Variants in ADAMTS20 observed in about 807,000 individuals in gnomAD.
ADAMTS20 encodes the protein ADAM metallopeptidase with thrombospondin type 1 motif 20.
A neutral mutation model predicts 260.1 loss-of-function variants in ADAMTS20; 225 were observed. The ratio of observed to expected loss-of-function variants is 0.87; its 90% CI spans 0.78 to 0.97. The LOEUF is 0.97. ADAMTS20 is among the 50% of genes least tolerant of loss of function. The pLI is 0.00. For missense variants in ADAMTS20, 2,400 were observed against 2,337.7 expected, an observed-to-expected ratio of 1.03 and a Z score of -0.55; for synonymous variants, 802 against 769.5, an observed-to-expected ratio of 1.04 and a Z score of -0.70.
intron 3 of ADAMTS20, among the ~76,000 whole-genome samples, chr12:43,522,977 A>T (rs1262309386): frequency 6.6e-6 from 1 of 152,204 alleles, no homozygotes; most frequent in Non-Finnish European, 1.5e-5. Flanking sequence ...TATCAACAGA[A>T]ATACTGTATC....
At chr12:43,384,287 CAATT>C (rs1940422846) in intron 29 of ADAMTS20, among the ~76,000 whole-genome samples, 1 of 152,138 alleles carries the variant, frequency 6.6e-6, no homozygotes, top group Non-Finnish European at 1.5e-5. Context: ...AATTACCACA[CAATT>C]AATCATGAAT....
intron 3 of ADAMTS20, among the ~76,000 whole-genome samples, chr12:43,511,777 A>G (rs1367024099): frequency 1.3e-5 from 2 of 152,156 alleles, no homozygotes; most frequent in Admixed American, 6.5e-5. Context: ...CCAGATAAGG[A>G]AACACATTTT....
intron 16 of ADAMTS20, among the ~76,000 whole-genome samples, chr12:43,442,407 G>A (rs908075681): frequency 5.3e-5 from 8 of 151,996 alleles, no homozygotes; most frequent in South Asian, 4.2e-4. Flanking sequence ...ACAGGCATGC[G>A]CCACCATGTC....
intron 2 of ADAMTS20, among the ~76,000 whole-genome samples, chr12:43,545,823 C>T (rs910136422): frequency 1.3e-5 from 2 of 152,024 alleles, no homozygotes; most frequent in Admixed American, 6.6e-5. Context: ...TCTTACACAG[C>T]TCTCCAAGCT....
intron 9 of ADAMTS20, 99 bp downstream of exon 9, chr12:43,466,549 TAAAC>T: frequency 9.0e-7 from 1 of 1,106,756 alleles, no homozygotes. Context: ...AACATAAATT[TAAAC>T]AAGAAAAAGC....
At chr12:43,358,959 T>C (rs1223673738) in intron 37 of ADAMTS20, among the ~76,000 whole-genome samples, 1 of 151,928 alleles carries the variant, frequency 6.6e-6, no homozygotes, top group African/African-American at 2.4e-5. Context: ...GTGTGTTAAT[T>C]CCAATACTTC....
intron 2 of ADAMTS20, among the ~76,000 whole-genome samples, chr12:43,537,232 T>G (rs1943308699): frequency 6.6e-6 from 1 of 151,854 alleles, no homozygotes; most frequent in Admixed American, 6.6e-5. Context: ...TTTTTGTATT[T>G]TTGGTAGAGA....
intron 28 of ADAMTS20, among the ~76,000 whole-genome samples, chr12:43,404,297 A>G (rs1940871074): frequency 6.6e-6 from 1 of 152,106 alleles, no homozygotes; most frequent in Non-Finnish European, 1.5e-5. Flanking sequence ...CAAGGAGGAA[A>G]TAATACCAAC....
intron 29 of ADAMTS20, among the ~76,000 whole-genome samples, chr12:43,389,227 AG>A (rs1940547030): frequency 6.6e-6 from 1 of 152,214 alleles, no homozygotes; most frequent in Non-Finnish European, 1.5e-5. Context: ...GTGAGATTCA[AG>A]GTATAATTGA....
intron 9 of ADAMTS20, 56 bp from the exon 10 acceptor site, chr12:43,464,788 T>C (rs1942125430): frequency 6.6e-7 from 1 of 1,521,398 alleles, no homozygotes; most frequent in Non-Finnish European, 8.9e-7. Context: ...CATTCCAGTA[T>C]GATTCTTTAT....
At chr12:43,506,243 T>A (rs551834779) in intron 3 of ADAMTS20, among the ~76,000 whole-genome samples, 16 of 152,106 alleles carry the variant, frequency 1.1e-4, no homozygotes, top group Non-Finnish European at 2.4e-4. Context: ...TTTTTTTTTT[T>A]AAATCCTGTA....
At position 43,386,515 on chromosome 12, in the gene ADAMTS20, A is replaced by T. The variant is rs750327997; in HGVS notation, c.4453-2538T>A. On this transcript the variant is annotated intron_variant, in intron 29 of 38. Coordinates refer to ENST00000389420, the MANE Select transcript of ADAMTS20 (RefSeq NM_025003.5). The stretch of plus-strand genomic sequence containing the variant: ...TTTGTAGTGTTCTCTATATTTCCTG[A>T]ATTTGAATGTTGGCCTGTCTTACTA... Among the ~76,000 whole-genome samples, 43 of 152,196 alleles carry T rather than the reference A, an allele frequency of 2.8e-4. 1 individual carries two copies. The Middle Eastern group carries it at 0.017, about 60-fold the overall frequency.
At chr12:43,528,342 C>T (rs1943170642) in intron 3 of ADAMTS20, among the ~76,000 whole-genome samples, 1 of 37,940 alleles carries the variant, frequency 2.6e-5, no homozygotes, top group Non-Finnish European at 4.4e-5. Flanking sequence ...CCAAGGCAAT[C>T]CTAAGCAAAA....
intron 3 of ADAMTS20, among the ~76,000 whole-genome samples, chr12:43,519,260 G>C (rs1839257234): frequency 6.6e-6 from 1 of 151,924 alleles, no homozygotes; most frequent in South Asian, 2.1e-4. Flanking sequence ...TTCTATTAAA[G>C]AGCACTGCAA....
At position 43,375,495 on chromosome 12, in the gene ADAMTS20, T is replaced by A; in HGVS notation, c.5330A>T (p.Gln1777Leu). The change falls in exon 36 of 39, where the codon CAA becomes CTA. Residue 1777 changes from glutamine to leucine, a missense_variant. Transcript: ENST00000389420. ...CCTTCTACTCCCATTAAAAGGACAT[T>A]GATATGGATTTTTTAGTCTGTAACA... The part of the protein sequence containing the change: ...VYGFRLKNPY[Q>L]CPFNGSRRED... 6.2e-7 allele frequency: 1 copy of A among 1,613,384 alleles called. No individual in the cohort carries two copies. The highest frequency in any genetic ancestry group is 2.2e-5 in the East Asian group (1 of 44,828).
chr12:43,413,776 C>A (rs1941076708), intron 28 of ADAMTS20, among the ~76,000 whole-genome samples: 1 of 152,108 alleles, frequency 6.6e-6, no homozygotes, highest in Non-Finnish European at 1.5e-5. Flanking sequence ...ATTTAAAACA[C>A]CTGAATAAGC....
chr12:43,480,540 A>G (rs1413947032), intron 7 of ADAMTS20, among the ~76,000 whole-genome samples: 1 of 152,198 alleles, frequency 6.6e-6, no homozygotes, highest in Non-Finnish European at 1.5e-5. Flanking sequence ...AATTTACTTT[A>G]CAGTATACAA....
At chr12:43,521,583 T>C (rs141592088) in intron 3 of ADAMTS20, among the ~76,000 whole-genome samples, 116 of 152,300 alleles carry the variant, frequency 7.6e-4, no homozygotes, top group African/African-American at 2.5e-3. Context: ...CGGCCTCTTA[T>C]CATTCAAAGC....
rs1050362103 is a variant in ADAMTS20, at chr12:43,426,402, T to C, written c.4108-712A>G. Among the ~76,000 whole-genome samples the C allele has an allele frequency of 2.6e-5, 4 of 152,216 alleles. No individual in the cohort carries two copies. The East Asian group carries it at 7.7e-4, about 29-fold the overall frequency. Reference sequence around the variant, plus strand: ...TATGTATTAACACCTGGTCTGGGTGTACTTTAAAAACATGGTTTCAAACTC... The same window carrying C: ...TATGTATTAACACCTGGTCTGGGTGCACTTTAAAAACATGGTTTCAAACTC... On this transcript the variant is annotated intron_variant, in intron 27 of 38. Coordinates refer to ENST00000389420, the MANE Select transcript of ADAMTS20 (RefSeq NM_025003.5).
Sources: gnomAD v4.1 joint callset for allele counts (sites outside exome capture counted in the v4.1 genomes callset) on GRCh38, gnomAD v4.1.1 for gene constraint, MANE v1.5 for transcripts, NCBI Gene and HGNC (gene_info 2026-07-23, HGNC 2026-07-21) for gene names.